The following KDM6A variants were observed in gnomAD, a reference collection of about 807,000 sequenced individuals.
The protein encoded by KDM6A is lysine-specific demethylase 6A.
In KDM6A, 11 loss-of-function variants were observed where a neutral mutation model predicts 117.6. The observed-to-expected ratio is 0.09, with a 90% CI of 0.06 to 0.15. The LOEUF (loss-of-function observed/expected upper bound fraction) is 0.15. KDM6A is among the 10% of genes least tolerant of loss of function. The pLI is 1.00. For synonymous variants in KDM6A, 384 were observed against 396.1 expected (o/e 0.97, Z 0.36); for missense variants, 799 against 1,077.3 (o/e 0.74, Z 3.62).
chrX:44,987,455 G>A (rs925268957), intron 4 of KDM6A, among the ~76,000 whole-genome samples: 6 of 111,324 alleles, frequency 5.4e-5, no homozygotes, highest in African/African-American at 2.0e-4. Flanking sequence ...TCATTATGAT[G>A]TTAGCTGGTT....
chrX:45,066,749 T>G lies in KDM6A; in HGVS notation c.2080-2830T>G, dbSNP rs2044551683. On this transcript the variant is annotated intron_variant, in intron 17 of 29. Coordinates refer to ENST00000611820, the MANE Select transcript of KDM6A (RefSeq NM_001291415.2). ...TTTTCAATACTCTCTTAACCCTGTT[T>G]TGGAAATGTGGGATTCTTTAAAAAC... is the stretch of plus-strand genomic sequence containing the variant. Among the ~76,000 whole-genome samples, 3 of 111,977 alleles carry G rather than the reference T, an allele frequency of 2.7e-5. No individual in the cohort carries two copies. In the South Asian group the frequency reaches 1.1e-3, roughly 41 times the overall value.
chrX:44,942,392 T>TG (rs963580483), intron 2 of KDM6A, among the ~76,000 whole-genome samples: 1 of 110,683 alleles, frequency 9.0e-6, no homozygotes, highest in Non-Finnish European at 1.9e-5. Context: ...GCTATATTTC[T>TG]GAGGGTCAGT....
chrX:44,990,397 C>G (rs1448954362), intron 4 of KDM6A, among the ~76,000 whole-genome samples: 1 of 109,743 alleles, frequency 9.1e-6, no homozygotes, highest in Non-Finnish European at 1.9e-5. Context: ...AAAATTAGCC[C>G]AATGTGGTGG....
At chrX:44,937,697 C>T (rs2037056496) in intron 2 of KDM6A, among the ~76,000 whole-genome samples, 1 of 111,718 alleles carries the variant, frequency 9.0e-6, no homozygotes, top group African/African-American at 3.3e-5. Context: ...AATGAATAAC[C>T]CTGTGGTAAC....
chrX:45,090,518 C>G (rs2045848901), intron 26 of KDM6A, among the ~76,000 whole-genome samples: 1 of 111,809 alleles, frequency 8.9e-6, no homozygotes, highest in South Asian at 3.7e-4. Flanking sequence ...AAACACAGTG[C>G]TTGGCACATA....
intron 27 of KDM6A, among the ~76,000 whole-genome samples, chrX:45,101,664 G>A (rs2046344119): frequency 9.0e-6 from 1 of 111,056 alleles, no homozygotes; most frequent in Non-Finnish European, 1.9e-5. Flanking sequence ...TAATCTAATG[G>A]AATCCAGACT....
chrX:45,016,263 C>G (rs2041954502), intron 5 of KDM6A, among the ~76,000 whole-genome samples: 1 of 111,005 alleles, frequency 9.0e-6, no homozygotes, highest in Middle Eastern at 4.7e-3. Flanking sequence ...GAAACAACTT[C>G]TAAATTTCCT....
intron 2 of KDM6A, among the ~76,000 whole-genome samples, chrX:44,946,906 T>G (rs894734191): frequency 3.6e-5 from 4 of 111,875 alleles, no homozygotes; most frequent in Non-Finnish European, 7.5e-5. Context: ...TTCTGTATCT[T>G]TATTGTGACT....
chrX:44,905,323 A>G (rs1476718044), intron 2 of KDM6A, among the ~76,000 whole-genome samples: 1 of 111,662 alleles, frequency 9.0e-6, no homozygotes, highest in Non-Finnish European at 1.9e-5. Flanking sequence ...TACCTTTTCT[A>G]TGTTTAGATA....
intron 7 of KDM6A, among the ~76,000 whole-genome samples, 167 bp downstream of exon 7, chrX:45,035,152 A>G (rs893299315): frequency 8.9e-6 from 1 of 112,323 alleles, no homozygotes; most frequent in Non-Finnish European, 1.9e-5. Context: ...GCAAGACCAG[A>G]TATTGTGAAC....
At chrX:45,077,880 C>T (rs930634059) in intron 19 of KDM6A, among the ~76,000 whole-genome samples, 1 of 111,458 alleles carries the variant, frequency 9.0e-6, no homozygotes, top group African/African-American at 3.3e-5. Flanking sequence ...ATCTCCAGAA[C>T]TTTCTCATCT....
chrX:45,011,740 G>C (rs937286050), intron 5 of KDM6A, among the ~76,000 whole-genome samples: 1 of 110,294 alleles, frequency 9.1e-6, no homozygotes, highest in Non-Finnish European at 1.9e-5. Context: ...ACTTCTCTAG[G>C]TCTGTTTCCT....
At position 44,974,596 on chromosome X, in the gene KDM6A, C is replaced by G. The variant is rs6611055; in HGVS notation, c.335-70C>G. On this transcript the variant is annotated intron_variant, in intron 3 of 29. Transcript: ENST00000611820. Reference sequence around the variant, plus strand: ...GTGGGTGTGGTGGGAATCTTGTTACCGTGTTTGTTAAGTGTATTATTGACT... The same window carrying G: ...GTGGGTGTGGTGGGAATCTTGTTACGGTGTTTGTTAAGTGTATTATTGACT... The G allele has an allele frequency of 3.6e-5, 26 of 719,447 alleles. No individual in the cohort carries two copies. The East Asian group carries it at 8.0e-4, about 22-fold the overall frequency. 59.3% of individuals were successfully genotyped at this position (719,447 alleles called of 1,213,427 possible).
intron 12 of KDM6A, 117 bp downstream of exon 12, chrX:45,059,583 A>T (rs1320043081): frequency 1.9e-6 from 1 of 538,535 alleles, no homozygotes; most frequent in Non-Finnish European, 3.2e-6. Flanking sequence ...ATCTGTTTCC[A>T]TATTTTGTAA....
intron 8 of KDM6A, among the ~76,000 whole-genome samples, chrX:45,041,900 C>T (rs1478551201): frequency 4.5e-5 from 5 of 110,481 alleles, no homozygotes; most frequent in African/African-American, 6.6e-5. Flanking sequence ...CCAAGGCAGG[C>T]GGCTGGGAGG....
At chrX:45,090,667 A>G (rs1602990491) in intron 26 of KDM6A, 56 bp from the exon 27 acceptor site, 2 of 1,155,139 alleles carry the variant, frequency 1.7e-6, no homozygotes, top group East Asian at 3.0e-5. Context: ...GATAATGGTT[A>G]TCTTCATATC....
intron 3 of KDM6A, among the ~76,000 whole-genome samples, chrX:44,963,483 G>GTGTGTGTGTGTC (rs1481840859): frequency 5.1e-4 from 21 of 40,881 alleles, no homozygotes; most frequent in South Asian, 1.8e-3. Context: ...GTGTGTGTGT[G>GTGTGTGTGTGTC]TGTCTGTCTG....
intron 4 of KDM6A, among the ~76,000 whole-genome samples, chrX:44,994,622 C>T (rs895564630): frequency 2.9e-4 from 32 of 111,845 alleles, no homozygotes; most frequent in Admixed American, 1.5e-3. Context: ...AAATAGCACT[C>T]GAATATAAAG....
rs141152638 is a variant in KDM6A, at chrX:45,003,699, C to G, written c.385-7262C>G. 1.0e-2 allele frequency among the ~76,000 whole-genome samples: 1,079 copies of G among 108,348 alleles called. 14 individuals carry two copies. The highest frequency in any genetic ancestry group is 0.035 in the African/African-American group (1,041 of 29,708). 94.1% of individuals were successfully genotyped at this position (108,348 alleles called of 115,157 possible). On this transcript the variant is annotated intron_variant, in intron 4 of 29. Transcript: ENST00000611820. ...CACTGTTTTTTCCTTTACTACTTAT[C>G]TCTCTCTCTCTCTTTCTTTCTCTCT...
Sources: gnomAD v4.1 joint callset for allele counts (sites outside exome capture counted in the v4.1 genomes callset) on GRCh38, gnomAD v4.1.1 for gene constraint, MANE v1.5 for transcripts, NCBI Gene and HGNC (gene_info 2026-07-23, HGNC 2026-07-21) for gene names.